Variants in LUZP2 observed in about 807,000 individuals in gnomAD.
LUZP2 encodes leucine zipper protein 2.
LUZP2 carries 52 observed loss-of-function variants against 51.6 expected under a neutral mutation model. The observed-to-expected ratio is 1.01, with a 90% confidence interval of 0.81 to 1.27. The LOEUF (loss-of-function observed/expected upper bound fraction) is 1.27. LUZP2 is among the 50% of genes most tolerant of loss of function. The probability of loss-of-function intolerance (pLI) is 0.00; values close to 1 mark genes in which losing one functional copy is unlikely to be tolerated. For synonymous variants in LUZP2, 154 were observed against 137.3 expected (o/e 1.12, Z -0.85); for missense variants, 436 against 395.4 (o/e 1.10, Z -0.87).
intron 9 of LUZP2, among the ~76,000 whole-genome samples, chr11:25,001,616 T>C (rs1381194479): frequency 1.3e-5 from 2 of 152,226 alleles, no homozygotes; most frequent in Non-Finnish European, 2.9e-5. Context: ...CCTTCAATTA[T>C]CAATTATAGG....
intron 7 of LUZP2, among the ~76,000 whole-genome samples, chr11:24,961,891 G>T (rs1360469903): frequency 4.0e-5 from 6 of 151,026 alleles, no homozygotes; most frequent in African/African-American, 7.3e-5. Flanking sequence ...GGTACCGGTT[G>T]TTCCTTTCCA....
chr11:24,976,507 A>G lies in LUZP2; in HGVS notation c.523-84A>G, dbSNP rs1855884495. The stretch of plus-strand genomic sequence containing the variant: ...TTTTTTTCTTTTCTCTCTTTTTACA[A>G]TTCTTTGGCAATATATGACAGATGC... On this transcript the variant is annotated intron_variant, in intron 7 of 11. Coordinates refer to ENST00000336930, the MANE Select transcript of LUZP2 (RefSeq NM_001009909.4). 3 of 777,052 alleles carry G rather than the reference A, an allele frequency of 3.9e-6. No individual in the cohort carries two copies. The Admixed American group carries it at 9.2e-5, about 24-fold the overall frequency. 48.1% of individuals were successfully genotyped at this position (777,052 alleles called of 1,614,324 possible).
At chr11:24,871,167 A>T (rs1852058872) in intron 5 of LUZP2, among the ~76,000 whole-genome samples, 1 of 152,224 alleles carries the variant, frequency 6.6e-6, no homozygotes, top group African/African-American at 2.4e-5. Context: ...AGTAATGTTT[A>T]CAAAATTTCT....
At chr11:24,627,135 A>G (rs1565038498) in intron 1 of LUZP2, among the ~76,000 whole-genome samples, 1 of 152,344 alleles carries the variant, frequency 6.6e-6, no homozygotes, top group East Asian at 1.9e-4. Flanking sequence ...GAGTACACAG[A>G]TAATACAGGG....
At chr11:25,069,358 G>C (rs923415347) in intron 10 of LUZP2, among the ~76,000 whole-genome samples, 2 of 151,828 alleles carry the variant, frequency 1.3e-5, no homozygotes, top group African/African-American at 4.8e-5. Context: ...AATATCTTGA[G>C]TATTGATATG....
At chr11:24,551,278 C>G (rs1356685907) in intron 1 of LUZP2, among the ~76,000 whole-genome samples, 2 of 152,004 alleles carry the variant, frequency 1.3e-5, no homozygotes, top group Non-Finnish European at 2.9e-5. Context: ...AAGTACTGAT[C>G]TATGTTACAA....
chr11:24,808,609 T>C (rs1164239971), intron 5 of LUZP2, among the ~76,000 whole-genome samples: 1 of 152,164 alleles, frequency 6.6e-6, no homozygotes, highest in Non-Finnish European at 1.5e-5. Context: ...AATTATTTTA[T>C]ACTGCACATT....
intron 1 of LUZP2, among the ~76,000 whole-genome samples, chr11:24,560,573 A>G (rs1014996965): frequency 4.6e-5 from 7 of 152,164 alleles, no homozygotes; most frequent in Non-Finnish European, 8.8e-5. Flanking sequence ...GGTGCACTAA[A>G]GAACACATAG....
chr11:24,528,514 A>T (rs530195499), intron 1 of LUZP2, among the ~76,000 whole-genome samples: 7 of 151,210 alleles, frequency 4.6e-5, no homozygotes, highest in Non-Finnish European at 1.0e-4. Flanking sequence ...TTATTATTTT[A>T]TTATTATTAT....
intron 5 of LUZP2, among the ~76,000 whole-genome samples, chr11:24,776,159 CTAAT>C (rs1190951017): frequency 3.3e-5 from 5 of 152,146 alleles, no homozygotes; most frequent in African/African-American, 9.7e-5. Context: ...AGAAAGGACT[CTAAT>C]TATCACTTTT....
chr11:24,811,575 G>T (rs578206128), intron 5 of LUZP2, among the ~76,000 whole-genome samples: 2 of 151,902 alleles, frequency 1.3e-5, no homozygotes, highest in East Asian at 1.9e-4. Context: ...GCAGAGGTTT[G>T]CTGTATAGAT....
chr11:24,860,076 T>C (rs1172140483), intron 5 of LUZP2, among the ~76,000 whole-genome samples: 1 of 152,182 alleles, frequency 6.6e-6, no homozygotes, highest in Admixed American at 6.5e-5. Context: ...CACCCATCTC[T>C]ATAGCTCCAG....
Position 24,983,309 on chromosome 11 carries a change from T to A in LUZP2, c.765+16T>A. The A allele has an allele frequency of 6.2e-7, 1 of 1,609,082 alleles. No homozygotes were observed. The highest frequency in any genetic ancestry group is 8.5e-7 in the Non-Finnish European group (1 of 1,177,242). ...CAAAAGCAAGGTACCTACCTTTTAT[T>A]TGCGCTTTGTAAAGTAACAGCAAGT... On this transcript the variant is annotated intron_variant, in intron 9 of 11. Coordinates refer to ENST00000336930, the MANE Select transcript of LUZP2 (RefSeq NM_001009909.4).
At chr11:24,679,908 T>C (rs570330775) in intron 1 of LUZP2, among the ~76,000 whole-genome samples, 2 of 152,294 alleles carry the variant, frequency 1.3e-5, no homozygotes, top group East Asian at 3.9e-4. Flanking sequence ...ACTGGATAAC[T>C]ATTGAATGAA....
intron 9 of LUZP2, among the ~76,000 whole-genome samples, chr11:24,998,799 A>G (rs1189529006): frequency 6.6e-6 from 1 of 152,148 alleles, no homozygotes; most frequent in Non-Finnish European, 1.5e-5. Flanking sequence ...TGATGATAAA[A>G]GACTCACCTT....
intron 1 of LUZP2, among the ~76,000 whole-genome samples, chr11:24,662,976 G>T (rs1391167929): frequency 6.6e-6 from 1 of 151,706 alleles, no homozygotes; most frequent in Admixed American, 6.6e-5. Context: ...TAGAAAAATA[G>T]GAAAGGGAAA....
At chr11:24,783,062 A>G (rs1372072144) in intron 5 of LUZP2, among the ~76,000 whole-genome samples, 1 of 151,992 alleles carries the variant, frequency 6.6e-6, no homozygotes, top group Non-Finnish European at 1.5e-5. Context: ...ACTGTTCTCA[A>G]CCCTCATGAC....
intron 1 of LUZP2, among the ~76,000 whole-genome samples, chr11:24,559,292 A>C (rs149988280): frequency 1.3e-5 from 2 of 152,196 alleles, no homozygotes; most frequent in African/African-American, 4.8e-5. Context: ...GAATGAAAAA[A>C]TCACCTCAAA....
At chr11:24,814,714 C>T (rs556072558) in intron 5 of LUZP2, among the ~76,000 whole-genome samples, 7 of 152,196 alleles carry the variant, frequency 4.6e-5, no homozygotes, top group East Asian at 1.9e-4. Context: ...CAGTATGTGC[C>T]GGGAGCGGTA....
Sources: allele counts gnomAD v4.1 joint callset (sites outside exome capture counted in the v4.1 genomes callset), GRCh38; gene constraint gnomAD v4.1.1; transcripts MANE v1.5; gene names NCBI Gene and HGNC (gene_info 2026-07-23, HGNC 2026-07-21).